Variants in SENP6 observed in about 807,000 individuals in gnomAD.
SENP6 encodes the protein sentrin-specific protease 6.
A neutral mutation model predicts 134.5 loss-of-function variants in SENP6; 41 were observed. The observed-to-expected ratio is 0.30, with a 90% CI of 0.24 to 0.40. SENP6 has a LOEUF of 0.40. Ranked by LOEUF, SENP6 falls within the 10% of genes least tolerant of loss-of-function variation. The pLI is 1.00. For missense variants in SENP6, 1,248 were observed against 1,312.5 expected, an observed-to-expected ratio of 0.95 and a Z score of 0.76; for synonymous variants, 395 against 429.8, an observed-to-expected ratio of 0.92 and a Z score of 1.00.
chr6:75,711,430 G>A lies in SENP6; in HGVS notation c.2909+14G>A, dbSNP rs763172212. The stretch of plus-strand genomic sequence containing the variant: ...TATCTGTAAACAGTAAGCATTAACT[G>A]TGTATCTTGAAAACTACATAATTTT... On this transcript the variant is annotated intron_variant, in intron 21 of 23. Transcript: ENST00000447266. The A allele has an allele frequency of 1.3e-6, 2 of 1,543,488 alleles. No individual in the cohort carries two copies. Among genetic ancestry groups the A allele is most frequent in the Non-Finnish European group, 8.9e-7 (1 of 1,125,470 alleles).
Position 75,668,830 on chromosome 6 carries a change from G to A in SENP6, c.1225-1723G>A, listed in dbSNP as rs560436811. On this transcript the variant is annotated intron_variant, in intron 10 of 23. Coordinates refer to ENST00000447266, the MANE Select transcript of SENP6 (RefSeq NM_015571.4). ...TTTCAGATGAGCGGTTTTCAGACTG[G>A]CACACTGAATCATAAGGGTACCTCA... Among the ~76,000 whole-genome samples the A allele has an allele frequency of 5.6e-4, 85 of 152,264 alleles. 1 individual carries two copies. The highest frequency in any genetic ancestry group is 5.4e-3 in the Admixed American group (82 of 15,288).
chr6:75,607,652 G>A (rs1284290011), intron 1 of SENP6, among the ~76,000 whole-genome samples: 1 of 150,660 alleles, frequency 6.6e-6, no homozygotes, highest in Non-Finnish European at 1.5e-5. Context: ...TACTACTTTA[G>A]TTTGTTTTCC....
Position 75,676,573 on chromosome 6 carries a change from C to G in SENP6, c.1622-457C>G, listed in dbSNP as rs560546684. ...ATTTCAGCAGTAATTGCTGCTTCAGCTTAATTATGAAAAAATGTTAGCTAC... is the reference window on the plus strand; with the variant it reads ...ATTTCAGCAGTAATTGCTGCTTCAGGTTAATTATGAAAAAATGTTAGCTAC... On this transcript the variant is annotated intron_variant, in intron 13 of 23. Coordinates refer to ENST00000447266, the MANE Select transcript of SENP6 (RefSeq NM_015571.4). 249 of 156,320 alleles carry G rather than the reference C, an allele frequency of 1.6e-3. 2 individuals carry two copies. The highest frequency in any genetic ancestry group is 1.5e-3 in the Non-Finnish European group (106 of 70,570). 9.7% of individuals were successfully genotyped at this position (156,320 alleles called of 1,614,324 possible).
chr6:75,629,363 A>G (rs1219100622), intron 3 of SENP6, among the ~76,000 whole-genome samples: 3 of 151,980 alleles, frequency 2.0e-5, no homozygotes, highest in East Asian at 1.9e-4. Flanking sequence ...CAGTGGCGCA[A>G]TCTTGGCTCA....
intron 7 of SENP6, among the ~76,000 whole-genome samples, chr6:75,649,212 G>T (rs933714622): frequency 2.0e-5 from 3 of 151,998 alleles, no homozygotes; most frequent in African/African-American, 7.2e-5. Flanking sequence ...CTACTCGGAA[G>T]GCTGAGACAC....
intron 9 of SENP6, among the ~76,000 whole-genome samples, chr6:75,666,366 C>T (rs1490791173): frequency 6.7e-6 from 1 of 149,624 alleles, no homozygotes. Context: ...ATTTTTTACA[C>T]CTTAAATTTT....
At chr6:75,645,040 A>G (rs1217166223) in intron 6 of SENP6, among the ~76,000 whole-genome samples, 1 of 152,228 alleles carries the variant, frequency 6.6e-6, no homozygotes. Flanking sequence ...AATTCAGGAT[A>G]GAGAAATAAA....
intron 8 of SENP6, 56 bp downstream of exon 8, chr6:75,659,463 G>A: frequency 7.0e-7 from 1 of 1,438,542 alleles, no homozygotes; most frequent in East Asian, 2.3e-5. Flanking sequence ...ATTAATATTA[G>A]TTTCAGTACT....
chr6:75,608,754 T>C (rs969830270), intron 1 of SENP6, among the ~76,000 whole-genome samples: 16 of 152,316 alleles, frequency 1.1e-4, no homozygotes, highest in Non-Finnish European at 2.2e-4. Context: ...GTAGTTACCT[T>C]ATAAGATTGC....
At chr6:75,689,471 CTG>C (rs1044365181) in intron 16 of SENP6, among the ~76,000 whole-genome samples, 1 of 152,000 alleles carries the variant, frequency 6.6e-6, no homozygotes, top group African/African-American at 2.4e-5. Flanking sequence ...GAAATTGAAA[CTG>C]TTATAAAATG....
intron 2 of SENP6, chr6:75,623,000 C>A: frequency 3.8e-6 from 1 of 266,412 alleles, no homozygotes; most frequent in Admixed American, 4.8e-5. Flanking sequence ...TGAAATTAAG[C>A]TGCATAGAAA....
rs142407428 is a variant in SENP6, at chr6:75,658,219, C to T, written c.551-1043C>T. On this transcript the variant is annotated intron_variant, in intron 7 of 23. Transcript: ENST00000447266. The stretch of plus-strand genomic sequence containing the variant: ...TAGCTTTGGTGTCTAGGAAAATAGA[C>T]GTGCAAACAATGAGAGGGTGATGAT... 5.3e-3 allele frequency among the ~76,000 whole-genome samples: 813 copies of T among 152,136 alleles called. 8 individuals are homozygous for T. The highest frequency in any genetic ancestry group is 0.01 in the Middle Eastern group (3 of 294).
chr6:75,652,302 C>T (rs113135406), intron 7 of SENP6, among the ~76,000 whole-genome samples: 29 of 152,042 alleles, frequency 1.9e-4, no homozygotes, highest in African/African-American at 1.2e-4. Context: ...TGAGCCACCA[C>T]GCCCAGCTGC....
intron 16 of SENP6, among the ~76,000 whole-genome samples, chr6:75,684,998 G>A (rs1582854387): frequency 6.6e-6 from 1 of 152,116 alleles, no homozygotes; most frequent in East Asian, 1.9e-4. Context: ...TGTACCTCTG[G>A]TAGAATTAGG....
intron 19 of SENP6, 37 bp downstream of exon 19, chr6:75,703,109 C>G: frequency 1.4e-6 from 2 of 1,457,198 alleles, no homozygotes; most frequent in South Asian, 2.7e-5. Context: ...TGAAAAAATT[C>G]AGAATAATCT....
At chr6:75,604,968 G>C (rs1478305427) in intron 1 of SENP6, among the ~76,000 whole-genome samples, 2 of 152,144 alleles carry the variant, frequency 1.3e-5, no homozygotes, top group African/African-American at 4.8e-5. Context: ...AACTACTCGG[G>C]AGGCTGAGGC....
At chr6:75,684,070 C>T (rs565712435) in intron 16 of SENP6, among the ~76,000 whole-genome samples, 4 of 152,204 alleles carry the variant, frequency 2.6e-5, no homozygotes, top group East Asian at 1.9e-4. Flanking sequence ...TCTTTTATTT[C>T]GTTGAGCAGT....
intron 16 of SENP6, among the ~76,000 whole-genome samples, chr6:75,693,393 T>TA (rs1774423398): frequency 7.2e-6 from 1 of 138,270 alleles, no homozygotes; most frequent in African/African-American, 2.8e-5. Flanking sequence ...GACAGAGTGA[T>TA]ACTCAGTCTG....
chr6:75,619,185 A>G (rs1314085392), intron 1 of SENP6, among the ~76,000 whole-genome samples: 1 of 152,146 alleles, frequency 6.6e-6, no homozygotes, highest in African/African-American at 2.4e-5. Context: ...GATCTTTTAA[A>G]TCATCATAAA....
Sources: allele counts gnomAD v4.1 joint callset (sites outside exome capture counted in the v4.1 genomes callset), GRCh38; gene constraint gnomAD v4.1.1; transcripts MANE v1.5; gene names NCBI Gene and HGNC (gene_info 2026-07-23, HGNC 2026-07-21).